Variants in PLD1 observed in about 807,000 individuals in gnomAD.
PLD1 encodes the protein choline phosphatase 1.
Under a neutral mutation model 137.1 loss-of-function variants are expected in PLD1, and 112 were observed. That is an observed-to-expected ratio of 0.82 (90% CI 0.70 to 0.96). The LOEUF is 0.96. PLD1 is among the 40% of genes least tolerant of loss of function. PLD1 has a pLI of 0.00. For synonymous variants in PLD1, 431 were observed against 454.7 expected, an observed-to-expected ratio of 0.95 and a Z score of 0.66; for missense variants, 1,321 against 1,342.0, an observed-to-expected ratio of 0.98 and a Z score of 0.24.
chr3:171,758,627 C>T (rs562433567), intron 1 of PLD1, among the ~76,000 whole-genome samples: 3 of 152,280 alleles, frequency 2.0e-5, no homozygotes, highest in East Asian at 3.9e-4. Context: ...TATCAGCTTC[C>T]GAGACACTGG....
intron 21 of PLD1, among the ~76,000 whole-genome samples, chr3:171,645,761 G>A (rs1427109884): frequency 6.6e-5 from 10 of 151,866 alleles, no homozygotes; most frequent in Admixed American, 6.6e-4. Context: ...GCGGGCGCCT[G>A]TAGTCCCAGC....
At chr3:171,674,648 A>G in intron 18 of PLD1, 35 bp from the exon 19 acceptor site, 1 of 1,193,896 alleles carries the variant, frequency 8.4e-7, no homozygotes, top group Non-Finnish European at 1.2e-6. Context: ...TATTCAAATG[A>G]GAAAAAAGAT....
Position 171,686,802 on chromosome 3 carries a change from G to A in PLD1, c.1754-4C>T. 1 of 1,308,806 alleles carries A rather than the reference G, an allele frequency of 7.6e-7. No homozygotes were observed. The highest frequency in any genetic ancestry group is 1.1e-6 in the Non-Finnish European group (1 of 926,742). 81.1% of individuals were successfully genotyped at this position (1,308,806 alleles called of 1,614,324 possible). On this transcript the variant is annotated splice_region_variant and splice_polypyrimidine_tract_variant and intron_variant, in intron 15 of 26. Coordinates refer to ENST00000351298, the MANE Select transcript of PLD1 (RefSeq NM_002662.5). ...CTTCTATAGTGATTAAAATAACCTAGAGAAATTAAGAATTTTTTTACAAAA... is the reference window on the plus strand; with the variant it reads ...CTTCTATAGTGATTAAAATAACCTAAAGAAATTAAGAATTTTTTTACAAAA...
rs531216846 is a variant in PLD1 at position 171,649,530 on chromosome 3, G to A, written c.2430-4507C>T. 5.3e-5 allele frequency among the ~76,000 whole-genome samples: 8 copies of A among 152,276 alleles called. No homozygotes were observed. In the South Asian group the frequency reaches 1.0e-3, roughly 20 times the overall value. On this transcript the variant is annotated intron_variant, in intron 21 of 26. Transcript: ENST00000351298. ...GCTGCTGAGGAATCCAACGTCCTTC[G>A]GAAATACTGAATCCTCACAACATGG...
intron 1 of PLD1, among the ~76,000 whole-genome samples, chr3:171,783,713 G>A (rs777682130): frequency 2.6e-5 from 4 of 152,138 alleles, no homozygotes; most frequent in Non-Finnish European, 5.9e-5. Flanking sequence ...TACAATCACG[G>A]TTCACTACAA....
chr3:171,639,540 TA>T (rs1444008308), intron 23 of PLD1, among the ~76,000 whole-genome samples: 4 of 84,470 alleles, frequency 4.7e-5, no homozygotes, highest in East Asian at 2.8e-4. Flanking sequence ...ATATATTATA[TA>T]AATATATATT....
In PLD1 at chr3:171,645,766, C is replaced by T. The variant is rs559031628; in HGVS notation, c.2430-743G>A. ...GGGCGTGGTGGCGGGCGCCTGTAGT[C>T]CCAGCTACTCGGGAGGCTGAGGCAG... is the stretch of plus-strand genomic sequence containing the variant. On this transcript the variant is annotated intron_variant, in intron 21 of 26. Coordinates refer to ENST00000351298, the MANE Select transcript of PLD1 (RefSeq NM_002662.5). 5.3e-5 allele frequency among the ~76,000 whole-genome samples: 8 copies of T among 151,930 alleles called. No individual in the cohort carries two copies. In the South Asian group the frequency reaches 1.5e-3, roughly 28 times the overall value.
At chr3:171,668,870 T>C (rs1366027103) in intron 19 of PLD1, among the ~76,000 whole-genome samples, 1 of 152,236 alleles carries the variant, frequency 6.6e-6, no homozygotes, top group Non-Finnish European at 1.5e-5. Flanking sequence ...ATTAAGACCA[T>C]TCTGGAACTG....
At chr3:171,723,492 G>A (rs750423734) in intron 8 of PLD1, among the ~76,000 whole-genome samples, 4 of 152,144 alleles carry the variant, frequency 2.6e-5, no homozygotes, top group South Asian at 2.1e-4. Context: ...ATACCTAGAC[G>A]TGGAACTGCT....
At chr3:171,765,744 C>T (rs779069865) in intron 1 of PLD1, among the ~76,000 whole-genome samples, 3 of 152,168 alleles carry the variant, frequency 2.0e-5, no homozygotes, top group South Asian at 2.1e-4. Context: ...CCAGTCAAAT[C>T]GTCCCTTCTA....
At chr3:171,618,875 G>GTGTGTGTA (rs1470041173) in intron 24 of PLD1, among the ~76,000 whole-genome samples, 1 of 151,818 alleles carries the variant, frequency 6.6e-6, no homozygotes, top group Non-Finnish European at 1.5e-5. Context: ...GTGTGTGTGT[G>GTGTGTGTA]TGTATGTATC....
intron 1 of PLD1, among the ~76,000 whole-genome samples, chr3:171,755,055 A>G (rs4447795): frequency 0.32 from 49,088 of 151,814 alleles, 8,510 homozygotes; most frequent in African/African-American, 0.41. Context: ...CTCTGCTTGT[A>G]TGTCCTTCTT....
At chr3:171,674,352 T>C in intron 19 of PLD1, 148 bp downstream of exon 19, 1 of 452,428 alleles carries the variant, frequency 2.2e-6, no homozygotes, top group Non-Finnish European at 4.1e-6. Context: ...ATAGGAAATA[T>C]AATAACAAGT....
chr3:171,692,176 A>C (rs1715229510), intron 13 of PLD1, among the ~76,000 whole-genome samples, 156 bp downstream of exon 13: 1 of 152,266 alleles, frequency 6.6e-6, no homozygotes, highest in Non-Finnish European at 1.5e-5. Context: ...AAGATAAGAA[A>C]GTACAGTATT....
intron 1 of PLD1, among the ~76,000 whole-genome samples, chr3:171,799,333 C>T (rs1310667993): frequency 1.4e-4 from 16 of 113,374 alleles, no homozygotes; most frequent in Non-Finnish European, 2.4e-4. Flanking sequence ...AACGAGACTC[C>T]GTCTAAAAAA....
intron 8 of PLD1, among the ~76,000 whole-genome samples, chr3:171,716,706 G>A (rs1717711337): frequency 6.6e-6 from 1 of 152,142 alleles, no homozygotes; most frequent in South Asian, 2.1e-4. Flanking sequence ...TGTCTACTCT[G>A]TTGATAGTTT....
In PLD1 at chr3:171,744,401, T is replaced by A. The variant is rs565780781; in HGVS notation, c.-31-6319A>T. On this transcript the variant is annotated intron_variant, in intron 1 of 26. Coordinates refer to ENST00000351298, the MANE Select transcript of PLD1 (RefSeq NM_002662.5). ...CATAACCTGTGAGTCCAGCTTGCTA[T>A]TATGTCTATGGTTCTAAGAGTCAGA... is the stretch of plus-strand genomic sequence containing the variant. Among the ~76,000 whole-genome samples the A allele has an allele frequency of 2.0e-5, 3 of 152,286 alleles. No homozygotes were observed. In the South Asian group the frequency reaches 6.2e-4, roughly 32 times the overall value.
intron 1 of PLD1, among the ~76,000 whole-genome samples, chr3:171,747,027 C>A (rs375636191): frequency 1.3e-5 from 2 of 151,978 alleles, no homozygotes; most frequent in Admixed American, 1.3e-4. Flanking sequence ...CGAACCCACC[C>A]GGAGAAATGA....
intron 16 of PLD1, chr3:171,677,907 A>T: frequency 2.4e-6 from 1 of 417,524 alleles, no homozygotes; most frequent in Non-Finnish European, 4.3e-6. Context: ...CTACAACAAG[A>T]TTCATCATTA....
Sources: gnomAD v4.1 joint callset for allele counts (sites outside exome capture counted in the v4.1 genomes callset) on GRCh38, gnomAD v4.1.1 for gene constraint, MANE v1.5 for transcripts, NCBI Gene and HGNC (gene_info 2026-07-23, HGNC 2026-07-21) for gene names.